ARHGAP17: variants seen among roughly 807,000 people sequenced by gnomAD.
ARHGAP17 encodes Rho GTPase activating protein 17, also known as rho GTPase-activating protein 17.
ARHGAP17 carries 57 observed loss-of-function variants against 99.5 expected under a neutral mutation model. The ratio of observed to expected loss-of-function variants is 0.57; its 90% CI spans 0.46 to 0.71. The LOEUF is 0.71. Among genes scored for constraint, ARHGAP17 ranks in the 30% least tolerant of loss-of-function variants. The pLI, the probability that ARHGAP17 is intolerant of heterozygous loss-of-function variation, is 0.00. For missense variants in ARHGAP17, 1,000 were observed against 1,122.4 expected, an observed-to-expected ratio of 0.89 and a Z score of 1.56; for synonymous variants, 417 against 429.6, an observed-to-expected ratio of 0.97 and a Z score of 0.36.
intron 17 of ARHGAP17, 103 bp downstream of exon 17, chr16:24,939,261 G>T (rs1463938859): frequency 3.7e-6 from 4 of 1,074,136 alleles, no homozygotes; most frequent in African/African-American, 1.6e-5. Context: ...TTCACTCCAT[G>T]CTGGAGCAGT....
intron 1 of ARHGAP17, among the ~76,000 whole-genome samples, chr16:25,013,681 C>T (rs2053704622): frequency 6.6e-6 from 1 of 151,650 alleles, no homozygotes; most frequent in Admixed American, 6.6e-5. Context: ...TCAAAGAGAC[C>T]CTAAATAGCT....
intron 6 of ARHGAP17, 38 bp downstream of exon 6, chr16:24,968,313 A>G (rs771015739): frequency 6.2e-7 from 1 of 1,602,538 alleles, no homozygotes; most frequent in South Asian, 1.1e-5. Context: ...CGTGGTGGGA[A>G]TGGGACACAA....
intron 1 of ARHGAP17, among the ~76,000 whole-genome samples, chr16:24,986,938 G>C (rs2052888325): frequency 6.6e-6 from 1 of 152,232 alleles, no homozygotes; most frequent in Non-Finnish European, 1.5e-5. Flanking sequence ...ACTGGTGACA[G>C]GAAGAAATCA....
At chr16:24,939,719 T>C in intron 16 of ARHGAP17, 122 bp from the exon 17 acceptor site, 1 of 1,086,864 alleles carries the variant, frequency 9.2e-7, no homozygotes, top group Non-Finnish European at 1.4e-6. Context: ...CGGCATGCAG[T>C]GAAGCGGCAA....
intron 1 of ARHGAP17, among the ~76,000 whole-genome samples, chr16:24,990,729 A>G (rs570598055): frequency 2.0e-5 from 3 of 150,882 alleles, no homozygotes; most frequent in South Asian, 4.2e-4. Flanking sequence ...CTGGACCCCA[A>G]CCTAAAACAA....
chr16:24,979,002 A>T lies in ARHGAP17; in HGVS notation c.57T>A (p.Ala19=), dbSNP rs375941642. The change falls in exon 2 of 20, where the codon GCT becomes GCA. Residue 19 remains alanine (A), a synonymous_variant. Transcript: ENST00000289968. ...CTTCACTAAGGACTTCTGTTTTCTC[A>T]GCTCTGTGGGAAAAATTAAAAATTC... ...KQLANQTVGR[A]EKTEVLSEDL... The T allele has an allele frequency of 6.3e-7, 1 of 1,586,042 alleles. No individual in the cohort carries two copies.
chr16:24,939,405 G>C lies in ARHGAP17; in HGVS notation c.1683C>G (p.Ser561=). 2.5e-6 allele frequency: 4 copies of C among 1,610,706 alleles called. No homozygotes were observed. In the South Asian group the frequency reaches 3.3e-5, roughly 13 times the overall value. ...SSSGGGTVPS[S]AGILEQGPSP... ...TCGGCCCCTGCTCCAGTATGCCCGC[G>C]GAAGAGGGGACAGTCCCACCCCCAG... Residue 561 remains serine, a synonymous_variant, in exon 17 of 20, where the codon TCC becomes TCG. Coordinates refer to ENST00000289968, the MANE Select transcript of ARHGAP17 (RefSeq NM_001006634.3).
At position 24,964,280 on chromosome 16, in the gene ARHGAP17, T is replaced by C. The variant is rs2052103774; in HGVS notation, c.490A>G (p.Thr164Ala). ...RWNQAHKSSG[T>A]NFQGLPSKID... is the part of the protein sequence containing the mutation. ...TTTGATGGAAGCCCCTGAAAGTTGG[T>C]TCCTGAGGATTTGTGAGCTTGGTTC... The change falls in exon 7 of 20, where the codon ACC becomes GCC. Residue 164 changes from threonine (T) to alanine (A), a missense_variant. Physicochemically the swap from Thr to Ala is moderately conservative, Grantham distance 58 (BLOSUM62 0). Transcript: ENST00000289968. 1.2e-6 allele frequency: 2 copies of C among 1,613,872 alleles called. No homozygotes were observed. Among genetic ancestry groups the C allele is most frequent in the Non-Finnish European group, 1.7e-6 (2 of 1,179,910 alleles).
intron 4 of ARHGAP17, among the ~76,000 whole-genome samples, chr16:24,969,965 G>C (rs1199287454): frequency 6.6e-6 from 1 of 152,030 alleles, no homozygotes; most frequent in Non-Finnish European, 1.5e-5. Context: ...CTTGCTGCAG[G>C]AGCAGACAGA....
chr16:25,005,373 T>C (rs573645523), intron 1 of ARHGAP17, among the ~76,000 whole-genome samples: 1 of 152,374 alleles, frequency 6.6e-6, no homozygotes, highest in East Asian at 1.9e-4. Context: ...TAGTCATGAA[T>C]GTGCAAGGTT....
chr16:24,930,820 T>C lies in ARHGAP17; in HGVS notation c.2479A>G (p.Thr827Ala). 6.2e-7 allele frequency: 1 copy of C among 1,613,990 alleles called. No homozygotes were observed. The highest frequency in any genetic ancestry group is 8.5e-7 in the Non-Finnish European group (1 of 1,179,984). The change falls in exon 19 of 20, where the codon ACC becomes GCC. Residue 827 changes from threonine (T) to alanine (A), a missense_variant. Physicochemically the swap from Thr to Ala is moderately conservative, Grantham distance 58. This residue lies in a region of ARHGAP17 where 528 missense variants were observed against 511.4 expected (regional missense o/e 1.03). Coordinates refer to ENST00000289968, the MANE Select transcript of ARHGAP17 (RefSeq NM_001006634.3). The stretch of plus-strand genomic sequence containing the variant: ...TTGGAAGCTGTTGGTGCTGTGTTGG[T>C]GAGGCTGCTGTCCCCAGCTGAGTGG... The part of the protein sequence containing the change: ...GVHSAGDSSL[T>A]NTAPTASKIV...
chr16:24,973,296 T>C (rs945679702), intron 3 of ARHGAP17, among the ~76,000 whole-genome samples: 3 of 152,326 alleles, frequency 2.0e-5, no homozygotes, highest in South Asian at 2.1e-4. Context: ...CTCATGTCTC[T>C]CTCTTCCCTT....
intron 19 of ARHGAP17, chr16:24,927,637 C>T: frequency 9.5e-7 from 1 of 1,057,200 alleles, no homozygotes; most frequent in Non-Finnish European, 1.2e-6. Flanking sequence ...CAAATATGAT[C>T]ATCAAGTAGC....
intron 7 of ARHGAP17, among the ~76,000 whole-genome samples, chr16:24,962,936 G>A (rs1253255809): frequency 6.6e-6 from 1 of 152,198 alleles, no homozygotes; most frequent in African/African-American, 2.4e-5. Flanking sequence ...TAGATCTGAG[G>A]AAATTACCCA....
At chr16:24,977,138 A>T (rs374661458) in intron 3 of ARHGAP17, 77 bp downstream of exon 3, 1 of 1,232,102 alleles carries the variant, frequency 8.1e-7, no homozygotes, top group East Asian at 2.8e-5. Flanking sequence ...GCCACTTAGG[A>T]CAACCAACCA....
In ARHGAP17 at chr16:24,943,829, G is replaced by T. The variant is rs889800264; in HGVS notation, c.1275C>A (p.Val425=). Residue 425 remains valine, a synonymous_variant, in exon 15 of 20, where the codon GTC becomes GTA. Coordinates refer to ENST00000289968, the MANE Select transcript of ARHGAP17 (RefSeq NM_001006634.3). ...TGGGTTCAATCACTGCAACCACATGGACGGATGTGGCTGCTGCCATTTCAG... is the reference window on the plus strand; with the variant it reads ...TGGGTTCAATCACTGCAACCACATGTACGGATGTGGCTGCTGCCATTTCAG... The part of the protein sequence containing the change: ...TLAEMAAATS[V]HVVAVIEPII... The T allele has an allele frequency of 6.2e-7, 1 of 1,614,070 alleles. No homozygotes were observed. Among genetic ancestry groups the T allele is most frequent in the African/African-American group, 1.3e-5 (1 of 74,926 alleles).
chr16:25,007,593 T>C (rs989410358), intron 1 of ARHGAP17, among the ~76,000 whole-genome samples: 2 of 152,210 alleles, frequency 1.3e-5, no homozygotes, highest in Admixed American at 6.5e-5. Flanking sequence ...CTCAAACTCC[T>C]GGTCTCAAGT....
At chr16:24,977,405 T>C in intron 2 of ARHGAP17, 86 bp from the exon 3 acceptor site, 1 of 1,109,270 alleles carries the variant, frequency 9.0e-7, no homozygotes, top group Admixed American at 2.3e-5. Flanking sequence ...TGGCTGAATC[T>C]ACATGCAGGG....
At chr16:24,989,739 T>C (rs1480823545) in intron 1 of ARHGAP17, among the ~76,000 whole-genome samples, 1 of 152,206 alleles carries the variant, frequency 6.6e-6, no homozygotes, top group African/African-American at 2.4e-5. Context: ...AATGAGACAT[T>C]TTTTGAAATA....
Sources: gnomAD v4.1 joint callset for allele counts (sites outside exome capture counted in the v4.1 genomes callset) on GRCh38, gnomAD v4.1.1 for gene constraint, gnomAD v4.1.1 regional missense constraint, MANE v1.5 for transcripts, NCBI Gene and HGNC (gene_info 2026-07-23, HGNC 2026-07-21) for gene names.